The following ZSCAN25 variants were observed in gnomAD, a reference collection of about 807,000 sequenced individuals.
ZSCAN25 encodes the protein zinc finger and SCAN domain-containing protein 25.
In ZSCAN25, 27 loss-of-function variants were observed where a neutral mutation model predicts 38.7. The observed-to-expected ratio is 0.70, with a 90% CI of 0.51 to 0.96. The LOEUF (loss-of-function observed/expected upper bound fraction) is 0.96. ZSCAN25 is among the 40% of genes least tolerant of loss of function. The pLI is 0.00. For missense variants in ZSCAN25, 637 were observed against 705.9 expected (o/e 0.90, Z 1.11); for synonymous variants, 273 against 277.7 (o/e 0.98, Z 0.17).
chr7:99,716,052 C>A, the ZSCAN25 span: 1 of 1,513,262 alleles, frequency 6.6e-7, no homozygotes, highest in East Asian at 2.4e-5. Flanking sequence ...TCTCCCATCA[C>A]ACTCCCTCAG....
the ZSCAN25 span, among the ~76,000 whole-genome samples, chr7:99,735,676 C>T: frequency 6.6e-6 from 1 of 152,192 alleles, no homozygotes; most frequent in Admixed American, 6.5e-5. Flanking sequence ...ACCATTTCCT[C>T]CCCTGGGCAC....
At chr7:99,680,096 C>T in the ZSCAN25 span, 1 of 577,634 alleles carries the variant, frequency 1.7e-6, no homozygotes, top group East Asian at 2.9e-5. Context: ...CTTTGCTGAC[C>T]TCTTTTGAGT....
the ZSCAN25 span, among the ~76,000 whole-genome samples, chr7:99,691,961 C>T: frequency 9.9e-5 from 15 of 152,232 alleles, no homozygotes; most frequent in Middle Eastern, 3.4e-3. Context: ...TTATTTTGCC[C>T]ATTAATTGAT....
the ZSCAN25 span, among the ~76,000 whole-genome samples, chr7:99,657,177 G>A: frequency 1.3e-5 from 2 of 151,968 alleles, no homozygotes; most frequent in African/African-American, 4.8e-5. Context: ...GTGATGTTAG[G>A]GTGTCAATGT....
At chr7:99,673,752 T>G in the ZSCAN25 span, among the ~76,000 whole-genome samples, 1 of 152,244 alleles carries the variant, frequency 6.6e-6, no homozygotes, top group South Asian at 2.1e-4. Context: ...TGAGCACATA[T>G]TAGAAGGGTC....
At chr7:99,710,691 G>T in the ZSCAN25 span, 1 of 1,613,336 alleles carries the variant, frequency 6.2e-7, no homozygotes, top group Non-Finnish European at 8.5e-7. Flanking sequence ...CTTTGCTAAG[G>T]CTTCACCTCC....
the ZSCAN25 span, among the ~76,000 whole-genome samples, chr7:99,708,421 T>C: frequency 6.6e-6 from 1 of 152,098 alleles, no homozygotes. Flanking sequence ...CTCTCGTCTC[T>C]TGTTTTTCTA....
the ZSCAN25 span, chr7:99,664,206 A>G: frequency 1.1e-6 from 1 of 939,968 alleles, no homozygotes; most frequent in South Asian, 1.5e-5. Context: ...ATGATTCTCA[A>G]CTGGAACCCA....
At chr7:99,617,597 T>C (rs1562961478) in intron 1 of ZSCAN25, among the ~76,000 whole-genome samples, 1 of 151,968 alleles carries the variant, frequency 6.6e-6, no homozygotes, top group Non-Finnish European at 1.5e-5. Context: ...AATAAATAAT[T>C]AGCTGGTCAT....
the ZSCAN25 span, among the ~76,000 whole-genome samples, chr7:99,700,249 A>G: frequency 1.6e-3 from 238 of 152,310 alleles, 2 homozygotes; most frequent in African/African-American, 5.6e-3. Flanking sequence ...TTGAGTTCAT[A>G]TTCTATGGGG....
the ZSCAN25 span, chr7:99,705,241 G>A: frequency 2.6e-6 from 1 of 386,652 alleles, no homozygotes; most frequent in Non-Finnish European, 4.8e-6. Flanking sequence ...TGGGGGTGGT[G>A]GAGATAGTCC....
intron 5 of ZSCAN25, 92 bp from the exon 6 acceptor site, chr7:99,622,457 G>C: frequency 1.7e-6 from 2 of 1,159,716 alleles, no homozygotes. Context: ...TCCTGAGGTT[G>C]TGAGCATCTG....
the ZSCAN25 span, chr7:99,663,433 G>T: frequency 3.0e-6 from 3 of 989,930 alleles, no homozygotes; most frequent in South Asian, 4.6e-5. Flanking sequence ...GGCTCGTGAA[G>T]GCAAAGCTGA....
At chr7:99,737,510 C>T in the ZSCAN25 span, among the ~76,000 whole-genome samples, 1 of 152,236 alleles carries the variant, frequency 6.6e-6, no homozygotes, top group African/African-American at 2.4e-5. Flanking sequence ...TGTTGCCACA[C>T]CGAGAGGTGC....
chr7:99,621,867 A>T (rs1226174708), intron 5 of ZSCAN25: 2 of 276,296 alleles, frequency 7.2e-6, no homozygotes, highest in African/African-American at 4.4e-5. Context: ...ACTTGCAGGA[A>T]TACTTTTTCA....
At chr7:99,648,434 T>A in the ZSCAN25 span, 1 of 1,509,046 alleles carries the variant, frequency 6.6e-7, no homozygotes. Context: ...GGAGAATTAA[T>A]AAATGAAGTG....
chr7:99,620,224 G>C lies in ZSCAN25; in HGVS notation c.387+231G>C, dbSNP rs1023170837. The C allele has an allele frequency of 2.7e-5, 16 of 593,662 alleles. No homozygotes were observed. The African/African-American group carries it at 3.0e-4, about 11-fold the overall frequency. The allele number at this position is 593,662 out of a possible 1,614,324, so 36.8% of individuals were successfully genotyped here. ...CCTGAAGCCTCTGTTTGGTCATGAGGGCAGAGGCCTGGCCATATTTCCCTT... is the reference window on the plus strand; with the variant it reads ...CCTGAAGCCTCTGTTTGGTCATGAGCGCAGAGGCCTGGCCATATTTCCCTT... On this transcript the variant is annotated intron_variant, in intron 4 of 7. Coordinates refer to ENST00000394152, the MANE Select transcript of ZSCAN25 (RefSeq NM_145115.3).
At chr7:99,686,987 A>C in the ZSCAN25 span, among the ~76,000 whole-genome samples, 3 of 152,124 alleles carry the variant, frequency 2.0e-5, no homozygotes, top group African/African-American at 4.8e-5. Context: ...GAAAACTAAC[A>C]AACAGAAAGG....
the ZSCAN25 span, among the ~76,000 whole-genome samples, chr7:99,669,167 GAA>G: frequency 1.3e-5 from 2 of 152,228 alleles, no homozygotes; most frequent in Non-Finnish European, 2.9e-5. Flanking sequence ...ATTGTTCAAT[GAA>G]AAGTGGACAA....
Sources: allele counts gnomAD v4.1 joint callset (sites outside exome capture counted in the v4.1 genomes callset), GRCh38; gene constraint gnomAD v4.1.1; transcripts MANE v1.5; gene names NCBI Gene and HGNC (gene_info 2026-07-23, HGNC 2026-07-21).